Variants in PCDH9 observed in about 807,000 individuals in gnomAD.
PCDH9 encodes the protein protocadherin 9.
Under a neutral mutation model 70.6 loss-of-function variants are expected in PCDH9, and 24 were observed. The ratio of observed to expected loss-of-function variants is 0.34; its 90% confidence interval spans 0.25 to 0.48. The LOEUF (loss-of-function observed/expected upper bound fraction) is 0.48. Among genes scored for constraint, PCDH9 ranks in the 20% least tolerant of loss-of-function variants. The pLI is 0.99. For synonymous variants in PCDH9, 562 were observed against 558.5 expected (o/e 1.01, Z -0.09); for missense variants, 1,281 against 1,503.6 (o/e 0.85, Z 2.45).
intron 4 of PCDH9, among the ~76,000 whole-genome samples, chr13:66,582,566 G>C (rs1000923791): frequency 6.6e-6 from 1 of 152,262 alleles, no homozygotes; most frequent in Non-Finnish European, 1.5e-5. Flanking sequence ...CTGGGAGGTG[G>C]AGGTTGCAGT....
At chr13:67,009,027 T>C (rs11617670) in intron 2 of PCDH9, among the ~76,000 whole-genome samples, 30,516 of 152,072 alleles carry the variant, frequency 0.2, 3,291 homozygotes, top group Non-Finnish European at 0.22. Flanking sequence ...ATTTTATTTT[T>C]ATTTTTATAT....
At chr13:67,009,612 T>C (rs546247779) in intron 2 of PCDH9, among the ~76,000 whole-genome samples, 121 of 152,028 alleles carry the variant, frequency 8.0e-4, no homozygotes, top group Non-Finnish European at 1.6e-3. Flanking sequence ...CCTTATTTAG[T>C]CAGGAGATTT....
At chr13:66,506,055 A>G (rs983369487) in intron 4 of PCDH9, among the ~76,000 whole-genome samples, 1 of 152,156 alleles carries the variant, frequency 6.6e-6, no homozygotes, top group Admixed American at 6.5e-5. Flanking sequence ...TCTCCTAACC[A>G]TGCTCTTATA....
chr13:66,572,847 C>G (rs563433496), intron 4 of PCDH9, among the ~76,000 whole-genome samples: 25 of 152,202 alleles, frequency 1.6e-4, no homozygotes, highest in Non-Finnish European at 2.9e-4. Flanking sequence ...GCAGCCTCAC[C>G]CTCCCAGGCT....
chr13:66,706,498 C>A (rs770836784), intron 3 of PCDH9, among the ~76,000 whole-genome samples: 3 of 152,214 alleles, frequency 2.0e-5, no homozygotes, highest in Non-Finnish European at 4.4e-5. Flanking sequence ...TAGACAAGTA[C>A]ACCTGGTAAA....
chr13:67,049,106 T>C (rs772307338), intron 2 of PCDH9, among the ~76,000 whole-genome samples: 62 of 152,214 alleles, frequency 4.1e-4, no homozygotes, highest in Non-Finnish European at 8.2e-4. Flanking sequence ...ACATTTAGCC[T>C]TCCGTAATCA....
chr13:67,121,203 A>G (rs969157447), intron 2 of PCDH9, among the ~76,000 whole-genome samples: 29 of 151,918 alleles, frequency 1.9e-4, no homozygotes, highest in African/African-American at 7.0e-4. Context: ...TTGGAATTGT[A>G]AGAGTTGATG....
intron 3 of PCDH9, among the ~76,000 whole-genome samples, chr13:66,776,822 G>A (rs2079902427): frequency 7.2e-6 from 1 of 139,724 alleles, no homozygotes; most frequent in African/African-American, 2.6e-5. Context: ...GCATCACCAA[G>A]TCAATCCTAA....
At chr13:66,538,662 A>G (rs1960811409) in intron 4 of PCDH9, among the ~76,000 whole-genome samples, 2 of 152,070 alleles carry the variant, frequency 1.3e-5, no homozygotes. Context: ...AACTGATTGA[A>G]TAAGCCTCAC....
intron 4 of PCDH9, among the ~76,000 whole-genome samples, chr13:66,367,724 G>A (rs1956577479): frequency 6.6e-6 from 1 of 152,146 alleles, no homozygotes; most frequent in Admixed American, 6.6e-5. Flanking sequence ...GAAAGTAAAA[G>A]AAGTGGCCAT....
Position 66,371,760 on chromosome 13 carries a change from G to A in PCDH9, c.3341-66732C>T, listed in dbSNP as rs112885915. Among the ~76,000 whole-genome samples, 4 of 152,084 alleles carry A rather than the reference G, an allele frequency of 2.6e-5. No homozygotes were observed. The South Asian group carries it at 6.2e-4, about 24-fold the overall frequency. On this transcript the variant is annotated intron_variant, in intron 4 of 4. Coordinates refer to ENST00000377865, the MANE Select transcript of PCDH9 (RefSeq NM_203487.3). ...AACAACAAACAGGATACTAAACGCC[G>A]AATGAAACACTACTTTTGATAATAA...
At chr13:66,601,995 C>A (rs1175497442) in intron 4 of PCDH9, among the ~76,000 whole-genome samples, 1 of 145,664 alleles carries the variant, frequency 6.9e-6, no homozygotes, top group Non-Finnish European at 1.5e-5. Flanking sequence ...TTAGCACATA[C>A]TCCTTCTACT....
At chr13:66,949,048 T>G (rs1196262303) in intron 2 of PCDH9, among the ~76,000 whole-genome samples, 1 of 152,126 alleles carries the variant, frequency 6.6e-6, no homozygotes, top group Non-Finnish European at 1.5e-5. Flanking sequence ...TTCTTTCATT[T>G]GATAAAACAA....
intron 3 of PCDH9, among the ~76,000 whole-genome samples, chr13:66,787,202 C>A (rs1397876728): frequency 6.6e-6 from 1 of 152,106 alleles, no homozygotes; most frequent in East Asian, 1.9e-4. Flanking sequence ...TTAGACACTA[C>A]CTCTGATGCA....
chr13:66,438,443 A>T lies in PCDH9; in HGVS notation c.3341-133415T>A, dbSNP rs191653992. 2.4e-3 allele frequency among the ~76,000 whole-genome samples: 367 copies of T among 152,330 alleles called. 1 individual carries two copies. Among genetic ancestry groups the T allele is most frequent in the Non-Finnish European group, 4.0e-3 (269 of 68,032 alleles). On this transcript the variant is annotated intron_variant, in intron 4 of 4. Coordinates refer to ENST00000377865, the MANE Select transcript of PCDH9 (RefSeq NM_203487.3). ...GCACTAGCAAGGCAAGGAAGGCTAAATAACTTTTGACAGCTAAATAACTGT... is the reference window on the plus strand; with the variant it reads ...GCACTAGCAAGGCAAGGAAGGCTAATTAACTTTTGACAGCTAAATAACTGT...
chr13:66,310,777 G>A (rs1955547482), intron 4 of PCDH9, among the ~76,000 whole-genome samples: 1 of 151,892 alleles, frequency 6.6e-6, no homozygotes. Context: ...ATATGATTTA[G>A]GATCAAATTC....
At chr13:67,031,318 T>G (rs751954684) in intron 2 of PCDH9, among the ~76,000 whole-genome samples, 2 of 152,206 alleles carry the variant, frequency 1.3e-5, no homozygotes, top group Non-Finnish European at 2.9e-5. Context: ...ACCATAATAA[T>G]TTCTCTCAGA....
intron 4 of PCDH9, among the ~76,000 whole-genome samples, chr13:66,449,736 T>A (rs372260695): frequency 2.6e-5 from 4 of 152,302 alleles, no homozygotes; most frequent in South Asian, 4.1e-4. Context: ...AATGGCCTTC[T>A]AAATTTTTAT....
At chr13:66,597,733 C>A (rs2077120705) in intron 4 of PCDH9, among the ~76,000 whole-genome samples, 2 of 151,644 alleles carry the variant, frequency 1.3e-5, no homozygotes, top group Non-Finnish European at 3.0e-5. Context: ...AGAAGTGAGA[C>A]TACAACAAAC....
Sources: gnomAD v4.1 joint callset for allele counts (sites outside exome capture counted in the v4.1 genomes callset) on GRCh38, gnomAD v4.1.1 for gene constraint, MANE v1.5 for transcripts, NCBI Gene and HGNC (gene_info 2026-07-23, HGNC 2026-07-21) for gene names.